TRPM3: variants seen among roughly 807,000 people sequenced by gnomAD.
TRPM3 encodes the protein transient receptor potential cation channel subfamily M member 3.
Under a neutral mutation model 181.2 loss-of-function variants are expected in TRPM3, and 77 were observed. The ratio of observed to expected loss-of-function variants is 0.42; its 90% CI spans 0.35 to 0.51. The LOEUF (loss-of-function observed/expected upper bound fraction) is 0.51. Ranked by LOEUF, TRPM3 falls within the 20% of genes least tolerant of loss-of-function variation. The pLI, the probability that TRPM3 is intolerant of heterozygous loss-of-function variation, is 0.01. For synonymous variants in TRPM3, 745 were observed against 796.4 expected (o/e 0.94, Z 1.09); for missense variants, 1,759 against 2,196.7 (o/e 0.80, Z 3.98).
intron 1 of TRPM3, among the ~76,000 whole-genome samples, chr9:71,282,847 G>T (rs1037818994): frequency 2.0e-5 from 3 of 152,258 alleles, no homozygotes; most frequent in African/African-American, 7.2e-5. Flanking sequence ...AGGTATGTGT[G>T]TATGCTACCA....
chr9:71,121,760 A>G (rs921621943), upstream of TRPM3: 2 of 339,446 alleles, frequency 5.9e-6, no homozygotes, highest in African/African-American at 4.5e-5. Flanking sequence ...CCAGAACGGG[A>G]AACTTGCACT....
intron 1 of TRPM3, among the ~76,000 whole-genome samples, chr9:71,069,369 G>C (rs1423792721): frequency 1.3e-5 from 2 of 152,078 alleles, no homozygotes; most frequent in Non-Finnish European, 2.9e-5. Context: ...AGTAGAGTCA[G>C]GGTTTCACCA....
At chr9:71,220,624 T>G (rs1032569341) in intron 1 of TRPM3, among the ~76,000 whole-genome samples, 1 of 152,110 alleles carries the variant, frequency 6.6e-6, no homozygotes. Flanking sequence ...TAGACCCCAG[T>G]TCTAATCCCA....
At chr9:71,141,515 C>T (rs2075098647) in intron 1 of TRPM3, among the ~76,000 whole-genome samples, 1 of 152,128 alleles carries the variant, frequency 6.6e-6, no homozygotes, top group African/African-American at 2.4e-5. Context: ...TTCTTAGCTA[C>T]ATCTTTTAGT....
chr9:70,823,763 G>T (rs2131622379), intron 6 of TRPM3, among the ~76,000 whole-genome samples: 1 of 152,282 alleles, frequency 6.6e-6, no homozygotes, highest in African/African-American at 2.4e-5. Context: ...GTACTTAGTA[G>T]GAATTCGATA....
intron 1 of TRPM3, among the ~76,000 whole-genome samples, chr9:70,906,244 G>C (rs1303439607): frequency 1.3e-5 from 2 of 152,030 alleles, no homozygotes; most frequent in African/African-American, 4.8e-5. Context: ...ATTCTAGGTA[G>C]TAGCCAGGGA....
chr9:71,329,757 T>C (rs2089979787), intron 1 of TRPM3, among the ~76,000 whole-genome samples: 1 of 152,192 alleles, frequency 6.6e-6, no homozygotes, highest in Admixed American at 6.5e-5. Flanking sequence ...AAGAGATATA[T>C]GCCTGGCCCT....
chr9:71,159,300 T>G (rs1416429110), intron 1 of TRPM3, among the ~76,000 whole-genome samples: 7 of 151,976 alleles, frequency 4.6e-5, no homozygotes, highest in Non-Finnish European at 5.9e-5. Flanking sequence ...TAAACAGTAT[T>G]GAACGCAATG....
intron 1 of TRPM3, among the ~76,000 whole-genome samples, chr9:71,185,824 T>A (rs2134954177): frequency 6.6e-6 from 1 of 152,166 alleles, no homozygotes; most frequent in East Asian, 1.9e-4. Context: ...AATGGACGTG[T>A]GCATGTGAAA....
intron 1 of TRPM3, among the ~76,000 whole-genome samples, chr9:71,292,093 C>T (rs187560400): frequency 1.3e-4 from 20 of 151,976 alleles, no homozygotes; most frequent in African/African-American, 4.3e-4. Flanking sequence ...TTAAAGAAAT[C>T]CACTTCTAAA....
At chr9:70,847,107 T>C (rs1338758223) in intron 3 of TRPM3, among the ~76,000 whole-genome samples, 2 of 152,168 alleles carry the variant, frequency 1.3e-5, no homozygotes, top group African/African-American at 4.8e-5. Context: ...GCATACCAAA[T>C]GTAATGTTTC....
intron 1 of TRPM3, among the ~76,000 whole-genome samples, chr9:71,267,579 T>C (rs1015742278): frequency 1.7e-4 from 5 of 30,176 alleles, no homozygotes; most frequent in African/African-American, 9.4e-4. Flanking sequence ...TACTTATCTC[T>C]GTCACTCCTC....
intron 1 of TRPM3, among the ~76,000 whole-genome samples, chr9:71,363,663 A>C (rs1370381841): frequency 6.6e-6 from 1 of 152,172 alleles, no homozygotes; most frequent in African/African-American, 2.4e-5. Context: ...AAGCTAACTC[A>C]TTCTCACCCA....
chr9:70,804,243 T>C (rs967529774), intron 6 of TRPM3, among the ~76,000 whole-genome samples: 1 of 151,988 alleles, frequency 6.6e-6, no homozygotes, highest in African/African-American at 2.4e-5. Context: ...GGCAGGAGAA[T>C]CCCTTGAACT....
chr9:70,971,510 C>A (rs12341926), intron 1 of TRPM3, among the ~76,000 whole-genome samples: 43,913 of 151,888 alleles, frequency 0.29, 6,377 homozygotes, highest in East Asian at 0.37. Flanking sequence ...AAATGGCACC[C>A]GAATCCCTAT....
intron 1 of TRPM3, among the ~76,000 whole-genome samples, chr9:71,378,692 T>C (rs2092722383): frequency 6.6e-6 from 1 of 152,062 alleles, no homozygotes. Flanking sequence ...ATTCAAATTG[T>C]CAAAACATTT....
At chr9:71,027,923 C>A (rs141493312) in intron 1 of TRPM3, among the ~76,000 whole-genome samples, 17 of 152,272 alleles carry the variant, frequency 1.1e-4, no homozygotes, top group Non-Finnish European at 2.1e-4. Flanking sequence ...ACTTCCCCAA[C>A]CTAGCTAGAG....
chr9:71,328,445 C>T lies in TRPM3; in HGVS notation c.183+118208G>A, dbSNP rs574805926. On this transcript the variant is annotated intron_variant, in intron 1 of 24. Coordinates refer to the TRPM3 transcript ENST00000357533. ...CCTCCCAAAGTGCTGGGATTACAGG[C>T]GTGAGCCACCGCACCCGGCCGACTT... 5.3e-5 allele frequency among the ~76,000 whole-genome samples: 8 copies of T among 152,314 alleles called. No homozygotes were observed. The East Asian group carries it at 9.7e-4, about 18-fold the overall frequency.
chr9:70,892,095 G>A (rs576214989), intron 1 of TRPM3, among the ~76,000 whole-genome samples: 12 of 152,292 alleles, frequency 7.9e-5, no homozygotes, highest in Non-Finnish European at 1.5e-4. Context: ...AAGGGAAAAA[G>A]GAAAGAGATA....
Sources: gnomAD v4.1 joint callset for allele counts (sites outside exome capture counted in the v4.1 genomes callset) on GRCh38, gnomAD v4.1.1 for gene constraint, MANE v1.5 for transcripts, NCBI Gene and HGNC (gene_info 2026-07-23, HGNC 2026-07-21) for gene names.